Variants in UQCRC2 observed in about 807,000 individuals in gnomAD.
UQCRC2 encodes cytochrome b-c1 complex subunit 2, mitochondrial.
A neutral mutation model predicts 55.6 loss-of-function variants in UQCRC2; 49 were observed. That is an observed-to-expected ratio of 0.88 (90% CI 0.70 to 1.12). UQCRC2 has a LOEUF of 1.12. Ranked by LOEUF, UQCRC2 falls within the 50% of genes most tolerant of loss-of-function variation. The probability of loss-of-function intolerance (pLI) is 0.00; values close to 1 mark genes in which losing one functional copy is unlikely to be tolerated. For missense variants in UQCRC2, 506 were observed against 547.8 expected, an observed-to-expected ratio of 0.92 and a Z score of 0.76; for synonymous variants, 193 against 192.0, an observed-to-expected ratio of 1.01 and a Z score of -0.04.
intron 12 of UQCRC2, chr16:21,976,938 C>T (rs1014099150): frequency 6.6e-6 from 1 of 152,090 alleles, no homozygotes; most frequent in Non-Finnish European, 1.5e-5. Context: ...ATAAAGATAT[C>T]TTTGGGCTTA....
intron 7 of UQCRC2, among the ~76,000 whole-genome samples, chr16:21,966,672 T>C (rs1305776193): frequency 6.6e-6 from 1 of 152,240 alleles, no homozygotes; most frequent in African/African-American, 2.4e-5. Flanking sequence ...TATTTAGAAA[T>C]TTTAACTTAC....
chr16:21,980,441 C>G (rs758366566), intron 12 of UQCRC2, 106 bp from the exon 13 acceptor site: 63 of 1,199,468 alleles, frequency 5.3e-5, no homozygotes, highest in Non-Finnish European at 7.2e-5. Context: ...CGCTGTTACT[C>G]TATCCATTAA....
At chr16:21,953,711 G>A (rs892862349) in intron 1 of UQCRC2, among the ~76,000 whole-genome samples, 3 of 152,154 alleles carry the variant, frequency 2.0e-5, no homozygotes, top group African/African-American at 7.2e-5. Flanking sequence ...CGAGTCCTTG[G>A]AGAGACTTCT....
intron 6 of UQCRC2, among the ~76,000 whole-genome samples, chr16:21,965,059 T>C (rs1349085348): frequency 2.0e-5 from 3 of 150,590 alleles, no homozygotes. Context: ...TTGTCCAAGG[T>C]CACATGGCAA....
chr16:21,982,438 T>G (rs1420337139), intron 13 of UQCRC2, among the ~76,000 whole-genome samples: 1 of 152,182 alleles, frequency 6.6e-6, no homozygotes, highest in Non-Finnish European at 1.5e-5. Context: ...AACAGGAAAG[T>G]ATATCCCTGC....
intron 6 of UQCRC2, among the ~76,000 whole-genome samples, chr16:21,964,149 A>C (rs577803651): frequency 6.6e-6 from 1 of 152,316 alleles, no homozygotes; most frequent in African/African-American, 2.4e-5. Context: ...ATGTTATTTC[A>C]TGATGATGCT....
chr16:21,971,785 G>A lies in UQCRC2; in HGVS notation c.767-138G>A, dbSNP rs1898467408. 12 of 1,350,106 alleles carry A rather than the reference G, an allele frequency of 8.9e-6. No individual in the cohort carries two copies. The South Asian group carries it at 1.4e-4, about 16-fold the overall frequency. 83.6% of individuals were successfully genotyped at this position (1,350,106 alleles called of 1,614,324 possible). ...GAGCATATGTTTTGTGTGTGTTTGGGGACAGGATGGCATGGGGAAAGCACC... is the reference window on the plus strand; with the variant it reads ...GAGCATATGTTTTGTGTGTGTTTGGAGACAGGATGGCATGGGGAAAGCACC... On this transcript the variant is annotated intron_variant, in intron 9 of 13. Coordinates refer to ENST00000268379, the MANE Select transcript of UQCRC2 (RefSeq NM_003366.4).
chr16:21,965,617 C>T lies in UQCRC2; in HGVS notation c.612+112C>T, dbSNP rs964602620. 6 of 895,010 alleles carry T rather than the reference C, an allele frequency of 6.7e-6. No homozygotes were observed. The African/African-American group carries it at 1.1e-4, about 16-fold the overall frequency. 55.4% of individuals were successfully genotyped at this position (895,010 alleles called of 1,614,324 possible). A position where few individuals can be genotyped will look rare whatever the true frequency, so the allele number is the denominator to read the frequency against. ...TTTTATCTTCTAACTTTAAGAAATTCAGCGTGCTAGCTTTTTCATCCACCT... is the reference window on the plus strand; with the variant it reads ...TTTTATCTTCTAACTTTAAGAAATTTAGCGTGCTAGCTTTTTCATCCACCT... On this transcript the variant is annotated intron_variant, in intron 7 of 13. Transcript: ENST00000268379.
chr16:21,983,048 T>C (rs1278730933), intron 13 of UQCRC2, 40 bp from the exon 14 acceptor site: 3 of 1,587,640 alleles, frequency 1.9e-6, no homozygotes, highest in Non-Finnish European at 2.6e-6. Context: ...ATATATATTT[T>C]TATTTTTGTT....
chr16:21,957,047 C>T (rs1410002538), intron 1 of UQCRC2, among the ~76,000 whole-genome samples, 188 bp from the exon 2 acceptor site: 2 of 149,220 alleles, frequency 1.3e-5, no homozygotes, highest in Non-Finnish European at 3.0e-5. Flanking sequence ...CCAGCCTGAG[C>T]GACAGAGAGA....
At chr16:21,975,066 AT>A (rs1898550402) in intron 11 of UQCRC2, among the ~76,000 whole-genome samples, 2 of 152,182 alleles carry the variant, frequency 1.3e-5, no homozygotes, top group South Asian at 4.1e-4. Flanking sequence ...CTGTCATGTA[AT>A]TTTTCTTCAG....
rs752216453 is a variant in UQCRC2, at chr16:21,973,856, T to G, written c.967-40T>G. On this transcript the variant is annotated intron_variant, in intron 10 of 13. Coordinates refer to ENST00000268379, the MANE Select transcript of UQCRC2 (RefSeq NM_003366.4). ...TTAAAGAAATCGTGCCCTGTTTTACTTGGTAGAATATCATACAGTAAAGTC... is the reference window on the plus strand; with the variant it reads ...TTAAAGAAATCGTGCCCTGTTTTACGTGGTAGAATATCATACAGTAAAGTC... 2.5e-6 allele frequency: 4 copies of G among 1,586,942 alleles called. No homozygotes were observed. The African/African-American group carries it at 5.4e-5, about 21-fold the overall frequency.
chr16:21,961,626 TTATATATATATATATATA>T (rs67999727), intron 4 of UQCRC2, among the ~76,000 whole-genome samples: 1,203 of 64,472 alleles, frequency 0.019, 56 homozygotes, highest in Non-Finnish European at 0.032. Flanking sequence ...AACATAAAAT[TTATATATATATATATATA>T]TATATATATA....
At chr16:21,967,743 A>C (rs1295143856) in intron 7 of UQCRC2, among the ~76,000 whole-genome samples, 3 of 152,126 alleles carry the variant, frequency 2.0e-5, no homozygotes, top group African/African-American at 4.8e-5. Flanking sequence ...AGTAATTGTG[A>C]TCTTACAGTT....
chr16:21,983,272 C>A lies in UQCRC2; in HGVS notation c.*101C>A. On this transcript the variant is annotated 3_prime_UTR_variant, in exon 14 of 14. Transcript: ENST00000268379. The stretch of plus-strand genomic sequence containing the variant: ...CTCTAATATATCATTTGTCTTTTTT[C>A]CAGTGAGGTAAAATAAGGCATAAAT... 1 of 1,055,948 alleles carries A rather than the reference C, an allele frequency of 9.5e-7. No individual in the cohort carries two copies. Among genetic ancestry groups the A allele is most frequent in the Non-Finnish European group, 1.4e-6 (1 of 725,618 alleles). 65.4% of individuals were successfully genotyped at this position (1,055,948 alleles called of 1,614,324 possible).
At chr16:21,954,773 A>G (rs1408252918) in intron 1 of UQCRC2, among the ~76,000 whole-genome samples, 1 of 151,924 alleles carries the variant, frequency 6.6e-6, no homozygotes, top group South Asian at 2.1e-4. Flanking sequence ...GCGGAGCGCG[A>G]TGGCTCACAC....
intron 12 of UQCRC2, chr16:21,980,330 T>C (rs1376870876): frequency 7.7e-6 from 4 of 518,878 alleles, no homozygotes; most frequent in Non-Finnish European, 1.0e-5. Flanking sequence ...TTGGACACTT[T>C]GGCAACCCTG....
At chr16:21,971,385 T>A in intron 8 of UQCRC2, 140 bp from the exon 9 acceptor site, 1 of 644,274 alleles carries the variant, frequency 1.6e-6, no homozygotes, top group South Asian at 2.1e-5. Flanking sequence ...TCTGGGAGAG[T>A]GGCATTATGG....
chr16:21,965,076 G>A (rs767698636), intron 6 of UQCRC2, among the ~76,000 whole-genome samples: 2 of 125,170 alleles, frequency 1.6e-5, no homozygotes, highest in South Asian at 3.9e-4. Flanking sequence ...GCAAGATGGC[G>A]GCAGAACCAT....
Sources: allele counts gnomAD v4.1 joint callset (sites outside exome capture counted in the v4.1 genomes callset), GRCh38; gene constraint gnomAD v4.1.1; transcripts MANE v1.5; gene names NCBI Gene and HGNC (gene_info 2026-07-23, HGNC 2026-07-21).